The following SETD5 variants were observed in gnomAD, a reference collection of about 807,000 sequenced individuals.
SETD5 encodes the protein histone-lysine N-methyltransferase SETD5.
In SETD5, 44 loss-of-function variants were observed where a neutral mutation model predicts 153.3. The observed-to-expected ratio is 0.29, with a 90% CI of 0.23 to 0.37. The LOEUF is 0.37. Among genes scored for constraint, SETD5 ranks in the 10% least tolerant of loss-of-function variants. The probability of loss-of-function intolerance (pLI) is 1.00; values close to 1 mark genes in which losing one functional copy is unlikely to be tolerated. For missense variants in SETD5, 1,544 were observed against 1,768.0 expected (o/e 0.87, Z 2.27); for synonymous variants, 716 against 645.2 (o/e 1.11, Z -1.66).
chr3:9,440,757 A>G, intron 8 of SETD5, 59 bp downstream of exon 8: 1 of 1,547,552 alleles, frequency 6.5e-7, no homozygotes, highest in Non-Finnish European at 8.7e-7. Flanking sequence ...ACCCAGGAAG[A>G]GGGTAATGGA....
chr3:9,413,199 A>G (rs1027380149), intron 1 of SETD5, among the ~76,000 whole-genome samples: 2 of 152,122 alleles, frequency 1.3e-5, no homozygotes, highest in Non-Finnish European at 2.9e-5. Context: ...TTTCCAATCA[A>G]CAGAAAAAAT....
At chr3:9,451,149 C>G (rs1003405075) in intron 16 of SETD5, among the ~76,000 whole-genome samples, 3 of 152,138 alleles carry the variant, frequency 2.0e-5, no homozygotes, top group African/African-American at 7.2e-5. Flanking sequence ...AAAAACCAGT[C>G]TGACTGATAA....
At chr3:9,449,776 G>A (rs1176408816) in intron 16 of SETD5, among the ~76,000 whole-genome samples, 1 of 152,186 alleles carries the variant, frequency 6.6e-6, no homozygotes, top group Non-Finnish European at 1.5e-5. Context: ...GCACATTGCA[G>A]AAAGTCTTTT....
chr3:9,440,833 T>TA (rs1559414700), intron 8 of SETD5, 135 bp downstream of exon 8: 1 of 1,145,864 alleles, frequency 8.7e-7, no homozygotes, highest in Non-Finnish European at 1.2e-6. Flanking sequence ...GTGTTGATCA[T>TA]ATGTAACCAA....
intron 16 of SETD5, 102 bp from the exon 17 acceptor site, chr3:9,453,637 T>C (rs778709930): frequency 1.9e-4 from 205 of 1,054,350 alleles, no homozygotes; most frequent in Admixed American, 3.2e-4. Context: ...ACTGAATTAG[T>C]GTGTTGAATT....
chr3:9,440,408 C>G, intron 7 of SETD5, 48 bp from the exon 8 acceptor site: 1 of 1,020,828 alleles, frequency 9.8e-7, no homozygotes, highest in South Asian at 1.3e-5. Flanking sequence ...TCCCAACCCT[C>G]TATTTATGCA....
chr3:9,402,002 G>A (rs2034856952), intron 1 of SETD5, among the ~76,000 whole-genome samples: 1 of 152,122 alleles, frequency 6.6e-6, no homozygotes, highest in South Asian at 2.1e-4. Flanking sequence ...GCAGGGATTG[G>A]TACCATTCCT....
At chr3:9,413,869 C>T (rs1057490380) in intron 1 of SETD5, among the ~76,000 whole-genome samples, 2 of 151,976 alleles carry the variant, frequency 1.3e-5, no homozygotes, top group African/African-American at 4.8e-5. Context: ...CCTCTGCCTC[C>T]CGGGTTCAAG....
At chr3:9,420,829 C>T (rs1238995680) in intron 1 of SETD5, among the ~76,000 whole-genome samples, 2 of 137,452 alleles carry the variant, frequency 1.5e-5, no homozygotes, top group African/African-American at 6.2e-5. Flanking sequence ...ACACTTCTCT[C>T]TCATTTTTTT....
At chr3:9,426,140 T>C (rs2039165625) in intron 2 of SETD5, 1 of 150,944 alleles carries the variant, frequency 6.6e-6, no homozygotes, top group Non-Finnish European at 1.5e-5. Flanking sequence ...AAGGTCTCTG[T>C]TTGGATATAC....
Position 9,434,369 on chromosome 3 carries a change from G to T in SETD5, c.213G>T (p.Pro71=). ...IIPRSDLNGL[P]SPVEERCGDS... ...CTCGTTCTGACCTGAATGGCCTGCCGTCGCCTGTAGAGGAACGCTGTGGAG... is the reference window on the plus strand; with the variant it reads ...CTCGTTCTGACCTGAATGGCCTGCCTTCGCCTGTAGAGGAACGCTGTGGAG... Residue 71 remains proline (P), a synonymous_variant, in exon 5 of 23, where the codon CCG becomes CCT. Transcript: ENST00000402198. This position sits in a 1 kb window ranked among gnomAD's most constrained non-coding sequence, Gnocchi z 5.6. 1 of 1,613,860 alleles carries T rather than the reference G, an allele frequency of 6.2e-7. No homozygotes were observed. The highest frequency in any genetic ancestry group is 8.5e-7 in the Non-Finnish European group (1 of 1,179,848).
intron 3 of SETD5, chr3:9,431,670 T>C: frequency 1.0e-6 from 1 of 985,802 alleles, no homozygotes; most frequent in South Asian, 4.7e-5. Flanking sequence ...TGATGGCCTT[T>C]TAACCTCCAC....
At chr3:9,464,127 C>CATAA (rs548866703) in intron 17 of SETD5, among the ~76,000 whole-genome samples, 5 of 151,748 alleles carry the variant, frequency 3.3e-5, no homozygotes, top group Non-Finnish European at 7.4e-5. Context: ...GGCTCTGTCT[C>CATAA]ATAAATAAAT....
intron 7 of SETD5, among the ~76,000 whole-genome samples, chr3:9,439,688 C>G (rs2041033484): frequency 6.6e-6 from 1 of 152,136 alleles, no homozygotes; most frequent in South Asian, 2.1e-4. Context: ...AATCTTTTCT[C>G]AATACTGTCA....
intron 1 of SETD5, among the ~76,000 whole-genome samples, chr3:9,404,529 ATTTC>A (rs2035356611): frequency 2.0e-5 from 3 of 152,202 alleles, no homozygotes; most frequent in African/African-American, 7.2e-5. Context: ...TAGGGTAGTC[ATTTC>A]TTTCTTTATA....
At chr3:9,398,896 T>C (rs938896309) in intron 1 of SETD5, among the ~76,000 whole-genome samples, 3 of 152,222 alleles carry the variant, frequency 2.0e-5, no homozygotes, top group Non-Finnish European at 4.4e-5. Flanking sequence ...CTCTTGGATA[T>C]GGATGCTGCA....
chr3:9,463,475 G>C (rs979284463), intron 17 of SETD5, among the ~76,000 whole-genome samples: 1 of 152,214 alleles, frequency 6.6e-6, no homozygotes, highest in East Asian at 1.9e-4. Context: ...TGAGAATCAA[G>C]TGAGAAAGGT....
At chr3:9,419,739 TTC>T (rs1490437516) in intron 1 of SETD5, among the ~76,000 whole-genome samples, 61 of 152,238 alleles carry the variant, frequency 4.0e-4, no homozygotes, top group African/African-American at 1.3e-3. Context: ...ATTTCTTCAT[TTC>T]TGTTTGTTCA....
intron 1 of SETD5, among the ~76,000 whole-genome samples, chr3:9,409,768 T>C (rs1259558113): frequency 1.3e-5 from 2 of 152,198 alleles, no homozygotes; most frequent in Non-Finnish European, 2.9e-5. Context: ...TTTTTAAAAA[T>C]ATCACTTGGT....
Sources: allele counts gnomAD v4.1 joint callset (sites outside exome capture counted in the v4.1 genomes callset), GRCh38; gene constraint gnomAD v4.1.1; non-coding constraint Gnocchi (gnomAD v3.1); transcripts MANE v1.5; gene names NCBI Gene and HGNC (gene_info 2026-07-23, HGNC 2026-07-21).